The following SLC1A2 variants were observed in gnomAD, a reference collection of about 807,000 sequenced individuals.
The protein encoded by SLC1A2 is excitatory amino acid transporter 2.
In SLC1A2, 15 loss-of-function variants were observed where a neutral mutation model predicts 48.8. That is an observed-to-expected ratio of 0.31 (90% CI 0.21 to 0.47). The LOEUF is 0.47. Among genes scored for constraint, SLC1A2 ranks in the 20% least tolerant of loss-of-function variants. The pLI, the probability that SLC1A2 is intolerant of heterozygous loss-of-function variation, is 0.99. For missense variants in SLC1A2, 502 were observed against 730.5 expected, an observed-to-expected ratio of 0.69 and a Z score of 3.61; for synonymous variants, 279 against 272.6, an observed-to-expected ratio of 1.02 and a Z score of -0.23.
chr11:35,300,488 C>T (rs1212786542), intron 6 of SLC1A2, among the ~76,000 whole-genome samples: 2 of 152,280 alleles, frequency 1.3e-5, no homozygotes, highest in Admixed American at 1.3e-4. Context: ...AAAAGATGCT[C>T]GAGGGAGCCT....
chr11:35,400,166 T>C (rs1484961152), intron 1 of SLC1A2, among the ~76,000 whole-genome samples: 1 of 152,204 alleles, frequency 6.6e-6, no homozygotes, highest in Non-Finnish European at 1.5e-5. Flanking sequence ...TGATTTCCCT[T>C]CTAGCAACCT....
chr11:35,287,286 CA>C (rs201920308), intron 7 of SLC1A2, among the ~76,000 whole-genome samples: 1,881 of 121,458 alleles, frequency 0.015, 32 homozygotes, highest in African/African-American at 0.053. Context: ...AATTGGGTTG[CA>C]AAAAAAAAAA....
At chr11:35,310,609 C>G (rs564338091) in intron 4 of SLC1A2, among the ~76,000 whole-genome samples, 1 of 152,334 alleles carries the variant, frequency 6.6e-6, no homozygotes, top group African/African-American at 2.4e-5. Flanking sequence ...ACATACTTTT[C>G]TTCTAAGCAA....
chr11:35,349,532 AG>A (rs1365106516), intron 1 of SLC1A2, among the ~76,000 whole-genome samples: 1 of 152,140 alleles, frequency 6.6e-6, no homozygotes, highest in Non-Finnish European at 1.5e-5. Flanking sequence ...CCCTTCCGTT[AG>A]TGAGAAAATA....
chr11:35,293,884 T>G (rs2134754201), intron 6 of SLC1A2, among the ~76,000 whole-genome samples: 1 of 152,324 alleles, frequency 6.6e-6, no homozygotes, highest in South Asian at 2.1e-4. Flanking sequence ...TATTAATATG[T>G]GACCATGGTT....
intron 1 of SLC1A2, chr11:35,399,585 T>A: frequency 4.1e-6 from 4 of 983,966 alleles, no homozygotes; most frequent in Non-Finnish European, 4.8e-6. Flanking sequence ...CTGGTAATCA[T>A]GATGCCTGCA....
chr11:35,320,490 C>A (rs796227818), intron 1 of SLC1A2, among the ~76,000 whole-genome samples: 10 of 152,204 alleles, frequency 6.6e-5, no homozygotes, highest in African/African-American at 2.4e-4. Context: ...AGAAGGGGTC[C>A]CAGAAGGGGC....
intron 1 of SLC1A2, among the ~76,000 whole-genome samples, chr11:35,341,735 T>C (rs1852849595): frequency 6.6e-6 from 1 of 152,236 alleles, no homozygotes; most frequent in Non-Finnish European, 1.5e-5. Flanking sequence ...TTAAGATATG[T>C]AATACCTTTT....
intron 1 of SLC1A2, among the ~76,000 whole-genome samples, chr11:35,368,729 A>T (rs1209135774): frequency 2.0e-5 from 3 of 152,248 alleles, no homozygotes; most frequent in Non-Finnish European, 4.4e-5. Flanking sequence ...AATACAGAGA[A>T]CAATGGTGCA....
At chr11:35,272,258 A>T (rs1850299145) in intron 9 of SLC1A2, among the ~76,000 whole-genome samples, 1 of 152,252 alleles carries the variant, frequency 6.6e-6, no homozygotes, top group Admixed American at 6.5e-5. Context: ...ACTGTATTCC[A>T]TCAATACAGA....
intron 1 of SLC1A2, among the ~76,000 whole-genome samples, chr11:35,397,998 CAGA>C (rs1361184210): frequency 2.0e-5 from 3 of 152,158 alleles, no homozygotes; most frequent in Non-Finnish European, 4.4e-5. Context: ...TGAGATATGA[CAGA>C]AGGATTGCTG....
intron 1 of SLC1A2, among the ~76,000 whole-genome samples, chr11:35,333,928 C>T (rs1434246961): frequency 2.0e-5 from 3 of 151,266 alleles, no homozygotes; most frequent in Non-Finnish European, 2.9e-5. Flanking sequence ...ATCTACCTGC[C>T]TTGGCCTCCA....
chr11:35,308,493 A>AT (rs1851584111), intron 4 of SLC1A2, among the ~76,000 whole-genome samples: 1 of 152,256 alleles, frequency 6.6e-6, no homozygotes, highest in African/African-American at 2.4e-5. Flanking sequence ...ACAGAAATTT[A>AT]TTTTTTCACC....
chr11:35,414,194 G>A (rs1374454276), intron 1 of SLC1A2, among the ~76,000 whole-genome samples: 3 of 152,120 alleles, frequency 2.0e-5, no homozygotes, highest in Non-Finnish European at 2.9e-5. Context: ...TTAAATACAT[G>A]AATGAAAAAT....
rs1366543089 is a variant in SLC1A2, at chr11:35,419,102, T to C, written c.-136A>G. The C allele has an allele frequency of 1.4e-6, 1 of 701,034 alleles. No homozygotes were observed. The highest frequency in any genetic ancestry group is 2.3e-6 in the Non-Finnish European group (1 of 432,320). The allele number at this position is 701,034 out of a possible 1,614,324, so 43.4% of individuals were successfully genotyped here. On this transcript the variant is annotated 5_prime_UTR_variant, in exon 1 of 11. Coordinates refer to ENST00000278379, the MANE Select transcript of SLC1A2 (RefSeq NM_004171.4). The surrounding 1 kb of genome is among the most constrained non-coding windows in gnomAD (Gnocchi z 5.4). ...GCCTCTGCCCGCCCTTCCACCCGCCTCCGGGGTAAGCCCTTTAGCGCCTCA... is the reference window on the plus strand; with the variant it reads ...GCCTCTGCCCGCCCTTCCACCCGCCCCCGGGGTAAGCCCTTTAGCGCCTCA...
At chr11:35,411,315 T>C (rs1411238870) in intron 1 of SLC1A2, among the ~76,000 whole-genome samples, 1 of 152,254 alleles carries the variant, frequency 6.6e-6, no homozygotes, top group Non-Finnish European at 1.5e-5. Context: ...CTTTAGAATG[T>C]CTGAGATGTG....
At chr11:35,408,794 A>C (rs966569683) in intron 1 of SLC1A2, among the ~76,000 whole-genome samples, 3 of 152,208 alleles carry the variant, frequency 2.0e-5, no homozygotes, top group African/African-American at 7.2e-5. Flanking sequence ...CTATGTGCAA[A>C]AATGTATTTC....
At chr11:35,320,846 A>T (rs1042231756) in intron 1 of SLC1A2, among the ~76,000 whole-genome samples, 5 of 152,232 alleles carry the variant, frequency 3.3e-5, no homozygotes, top group African/African-American at 1.2e-4. Context: ...AGAGCCCTTG[A>T]TATCATGGAG....
At chr11:35,267,709 C>A (rs1371233669) in intron 9 of SLC1A2, among the ~76,000 whole-genome samples, 1 of 152,000 alleles carries the variant, frequency 6.6e-6, no homozygotes, top group Non-Finnish European at 1.5e-5. Context: ...TGGAATGTAT[C>A]CTGAGTCATA....
Sources: allele counts gnomAD v4.1 joint callset (sites outside exome capture counted in the v4.1 genomes callset), GRCh38; gene constraint gnomAD v4.1.1; non-coding constraint Gnocchi (gnomAD v3.1); transcripts MANE v1.5; gene names NCBI Gene and HGNC (gene_info 2026-07-23, HGNC 2026-07-21).